GOT1: variants seen among roughly 807,000 people sequenced by gnomAD.
GOT1 encodes the protein aspartate aminotransferase, cytoplasmic.
Under a neutral mutation model 48.2 loss-of-function variants are expected in GOT1, and 25 were observed. The observed-to-expected ratio is 0.52, with a 90% CI of 0.38 to 0.72. The LOEUF is 0.72. Ranked by LOEUF, GOT1 falls within the 30% of genes least tolerant of loss-of-function variation. The pLI is 0.00. For synonymous variants in GOT1, 188 were observed against 193.8 expected (o/e 0.97, Z 0.25); for missense variants, 380 against 520.1 (o/e 0.73, Z 2.62).
intron 5 of GOT1, among the ~76,000 whole-genome samples, chr10:99,404,448 A>T (rs1385334974): frequency 6.6e-6 from 1 of 151,850 alleles, no homozygotes; most frequent in African/African-American, 2.4e-5. Context: ...GACTGGGGGG[A>T]ATCTGGACTC....
chr10:99,411,806 C>A (rs1487035353), intron 2 of GOT1, among the ~76,000 whole-genome samples: 1 of 152,146 alleles, frequency 6.6e-6, no homozygotes, highest in Non-Finnish European at 1.5e-5. Context: ...TGAATCCAAA[C>A]CTTTGGAACC....
At chr10:99,406,667 T>G in intron 3 of GOT1, 59 bp downstream of exon 3, 1 of 1,547,216 alleles carries the variant, frequency 6.5e-7, no homozygotes, top group Non-Finnish European at 8.9e-7. Context: ...CCAGGGAGAG[T>G]CATGAGGATA....
intron 1 of GOT1, 192 bp downstream of exon 1, chr10:99,430,256 C>T: frequency 6.6e-7 from 1 of 1,514,900 alleles, no homozygotes; most frequent in Non-Finnish European, 8.9e-7. Context: ...TCGCCCCTTT[C>T]CAGGGACTCC....
In GOT1 at chr10:99,402,803, T is replaced by C. The variant is rs895043295; in HGVS notation, c.960-81A>G. Reference sequence around the variant, plus strand: ...AAACACACAGGTTTAAAAACTCTAATTTAAACGACAGCTGACAATGGGATC... The same window carrying C: ...AAACACACAGGTTTAAAAACTCTAACTTAAACGACAGCTGACAATGGGATC... On this transcript the variant is annotated intron_variant, in intron 7 of 8. Coordinates refer to ENST00000370508, the MANE Select transcript of GOT1 (RefSeq NM_002079.3). The C allele has an allele frequency of 5.0e-6, 6 of 1,192,468 alleles. No homozygotes were observed. In the African/African-American group the frequency reaches 9.0e-5, roughly 18 times the overall value. 73.9% of individuals were successfully genotyped at this position (1,192,468 alleles called of 1,614,324 possible). A position where few individuals can be genotyped will look rare whatever the true frequency, so the allele number is the denominator to read the frequency against.
At chr10:99,416,060 C>A (rs1376038044) in intron 2 of GOT1, among the ~76,000 whole-genome samples, 2 of 152,206 alleles carry the variant, frequency 1.3e-5, no homozygotes, top group Non-Finnish European at 2.9e-5. Context: ...CTCACCACTC[C>A]TATTCAACAT....
chr10:99,418,412 G>T (rs970537655), intron 2 of GOT1, among the ~76,000 whole-genome samples: 1 of 151,086 alleles, frequency 6.6e-6, no homozygotes, highest in African/African-American at 2.4e-5. Context: ...TGGAATCTCT[G>T]TTTTCATTTG....
Position 99,430,618 on chromosome 10 carries a change from C to A in GOT1, c.-53G>T. 1 of 1,454,288 alleles carries A rather than the reference C, an allele frequency of 6.9e-7. No homozygotes were observed. Among genetic ancestry groups the A allele is most frequent in the South Asian group, 1.3e-5 (1 of 75,512 alleles). The allele number at this position is 1,454,288 out of a possible 1,614,324, so 90.1% of individuals were successfully genotyped here. On this transcript the variant is annotated 5_prime_UTR_variant, in exon 1 of 9. Coordinates refer to ENST00000370508, the MANE Select transcript of GOT1 (RefSeq NM_002079.3). ...CACCCCACGCCCGGAGCTGGCAGGTCAGGTCTGGCCGTTGCGACTGGAGGA... is the reference window on the plus strand; with the variant it reads ...CACCCCACGCCCGGAGCTGGCAGGTAAGGTCTGGCCGTTGCGACTGGAGGA...
chr10:99,398,880 T>C (rs1564967708), intron 8 of GOT1, among the ~76,000 whole-genome samples: 1 of 152,146 alleles, frequency 6.6e-6, no homozygotes, highest in Non-Finnish European at 1.5e-5. Flanking sequence ...AGACATTAAA[T>C]GGCCTTCCGA....
At chr10:99,408,629 G>C (rs2032791704) in intron 2 of GOT1, among the ~76,000 whole-genome samples, 1 of 152,172 alleles carries the variant, frequency 6.6e-6, no homozygotes, top group Admixed American at 6.5e-5. Flanking sequence ...TGAGACGTGA[G>C]AATCATTTGA....
intron 2 of GOT1, among the ~76,000 whole-genome samples, chr10:99,408,754 C>T (rs1209145436): frequency 2.0e-5 from 3 of 152,056 alleles, no homozygotes; most frequent in Non-Finnish European, 4.4e-5. Flanking sequence ...GAGGGACACA[C>T]GCCAATCTTC....
intron 1 of GOT1, among the ~76,000 whole-genome samples, chr10:99,423,625 C>T (rs963648990): frequency 4.6e-5 from 7 of 152,064 alleles, no homozygotes; most frequent in East Asian, 1.9e-4. Flanking sequence ...GTCTACCCTC[C>T]GGCTCTGGTG....
intron 1 of GOT1, among the ~76,000 whole-genome samples, chr10:99,425,725 G>A (rs879873424): frequency 7.2e-5 from 11 of 152,044 alleles, no homozygotes; most frequent in Admixed American, 1.3e-4. Flanking sequence ...TAGTGGGGTC[G>A]ACCAAGACCT....
intron 1 of GOT1, among the ~76,000 whole-genome samples, chr10:99,422,176 T>C (rs570341382): frequency 1.2e-4 from 19 of 152,324 alleles, no homozygotes; most frequent in African/African-American, 4.6e-4. Flanking sequence ...TCTGGTTTTT[T>C]AAAAGTGTAT....
chr10:99,430,244 C>T, intron 1 of GOT1: 1 of 1,464,440 alleles, frequency 6.8e-7, no homozygotes, highest in Non-Finnish European at 9.2e-7. Flanking sequence ...GCCTCGGACA[C>T]ATCGCCCCTT....
At chr10:99,398,788 G>A (rs2032632227) in intron 8 of GOT1, among the ~76,000 whole-genome samples, 1 of 152,168 alleles carries the variant, frequency 6.6e-6, no homozygotes, top group Non-Finnish European at 1.5e-5. Flanking sequence ...TAAACACTAT[G>A]TGCCAGGCAG....
At position 99,430,520 on chromosome 10, in the gene GOT1, C is replaced by T. The variant is rs1431676964; in HGVS notation, c.46G>A (p.Val16Ile). ...TCGGCAGTGAGCTTGAAGACCAGGA[C>T]AGGCTGGGCCTGCGGAACCTCGGCA... ...VFAEVPQAQP[V>I]LVFKLTADFR... Residue 16 changes from valine (V) to isoleucine (I), a missense_variant, in exon 1 of 9, where the codon GTC (valine) becomes ATC (isoleucine). By Grantham distance (29) the Val-to-Ile change is conservative. Coordinates refer to ENST00000370508, the MANE Select transcript of GOT1 (RefSeq NM_002079.3). The T allele has an allele frequency of 3.7e-6, 6 of 1,610,488 alleles. No individual in the cohort carries two copies. Among genetic ancestry groups the T allele is most frequent in the Non-Finnish European group, 5.1e-6 (6 of 1,177,862 alleles).
chr10:99,414,249 T>C (rs200018431), intron 2 of GOT1, among the ~76,000 whole-genome samples: 2 of 152,112 alleles, frequency 1.3e-5, no homozygotes, highest in African/African-American at 4.8e-5. Flanking sequence ...GAGGAAGATC[T>C]ACCAAGCAAA....
intron 5 of GOT1, among the ~76,000 whole-genome samples, chr10:99,405,522 C>CACACACAA (rs2032743613): frequency 9.9e-6 from 1 of 101,518 alleles, no homozygotes; most frequent in African/African-American, 5.8e-5. Flanking sequence ...TAAAACTAGA[C>CACACACAA]ACACACACAC....
intron 5 of GOT1, among the ~76,000 whole-genome samples, chr10:99,404,979 C>T (rs1021584721): frequency 2.0e-5 from 3 of 152,186 alleles, no homozygotes; most frequent in Non-Finnish European, 2.9e-5. Flanking sequence ...CTGCCACCAA[C>T]CCGCCAACTC....
Sources: gnomAD v4.1 joint callset for allele counts (sites outside exome capture counted in the v4.1 genomes callset) on GRCh38, gnomAD v4.1.1 for gene constraint, MANE v1.5 for transcripts, NCBI Gene and HGNC (gene_info 2026-07-23, HGNC 2026-07-21) for gene names.